Variants in DENND2A observed in about 807,000 individuals in gnomAD.
DENND2A encodes DENN domain containing 2A, also known as DENN domain-containing protein 2A.
Under a neutral mutation model 105.3 loss-of-function variants are expected in DENND2A, and 53 were observed. The observed-to-expected ratio is 0.50, with a 90% CI of 0.40 to 0.63. The LOEUF (loss-of-function observed/expected upper bound fraction) is 0.63. DENND2A is among the 30% of genes least tolerant of loss of function. The probability of loss-of-function intolerance (pLI) is 0.00; values close to 1 mark genes in which losing one functional copy is unlikely to be tolerated. For synonymous variants in DENND2A, 522 were observed against 508.4 expected, an observed-to-expected ratio of 1.03 and a Z score of -0.36; for missense variants, 1,138 against 1,279.6, an observed-to-expected ratio of 0.89 and a Z score of 1.69.
intron 6 of DENND2A, among the ~76,000 whole-genome samples, chr7:140,571,812 C>T (rs1249288248): frequency 2.0e-5 from 3 of 152,024 alleles, no homozygotes; most frequent in Admixed American, 6.6e-5. Flanking sequence ...ATTCCACTTA[C>T]CTGAGATATT....
chr7:140,633,252 T>A (rs1800798809), intron 1 of DENND2A, among the ~76,000 whole-genome samples: 1 of 151,754 alleles, frequency 6.6e-6, no homozygotes. Context: ...ATGGTCTCCA[T>A]CTCCTGACCT....
chr7:140,606,419 C>T (rs1449637094), intron 1 of DENND2A, among the ~76,000 whole-genome samples: 1 of 152,124 alleles, frequency 6.6e-6, no homozygotes, highest in Non-Finnish European at 1.5e-5. Flanking sequence ...ACATAAATAA[C>T]AACGAGACCC....
chr7:140,546,474 G>T (rs974235773), intron 13 of DENND2A, among the ~76,000 whole-genome samples: 2 of 152,162 alleles, frequency 1.3e-5, no homozygotes, highest in African/African-American at 4.8e-5. Context: ...AATGTAAATA[G>T]GTTTCAATAA....
At chr7:140,632,226 A>G (rs1308009631) in intron 1 of DENND2A, among the ~76,000 whole-genome samples, 2 of 152,180 alleles carry the variant, frequency 1.3e-5, no homozygotes, top group Non-Finnish European at 1.5e-5. Flanking sequence ...CTATTTTTCC[A>G]TGGTGAGCTG....
intron 13 of DENND2A, among the ~76,000 whole-genome samples, chr7:140,545,065 A>G (rs992471482): frequency 1.1e-4 from 17 of 152,112 alleles, no homozygotes; most frequent in African/African-American, 4.1e-4. Context: ...CCGGCCCCAC[A>G]TGGTTGCGGG....
At chr7:140,539,043 C>T (rs565127496) in intron 14 of DENND2A, among the ~76,000 whole-genome samples, 17 of 152,132 alleles carry the variant, frequency 1.1e-4, no homozygotes, top group Non-Finnish European at 1.8e-4. Flanking sequence ...AGGCTGGTCT[C>T]GAACTCCTGG....
rs1023090072 is a variant in DENND2A at position 140,640,041 on chromosome 7, C to G, written c.-248+463G>C. The stretch of plus-strand genomic sequence containing the variant: ...CTTTCCCAAGACTGCAAATGCTGAC[C>G]GCTGTGAGGGGGGCCCGGCTGCTCA... On this transcript the variant is annotated intron_variant, in intron 1 of 19. Transcript: ENST00000496613. The surrounding 1 kb of genome is among the most constrained non-coding windows in gnomAD (Gnocchi z 4.9). 2.0e-5 allele frequency among the ~76,000 whole-genome samples: 3 copies of G among 152,244 alleles called. No individual in the cohort carries two copies. Among genetic ancestry groups the G allele is most frequent in the South Asian group, 2.1e-4 (1 of 4,838 alleles).
intron 4 of DENND2A, among the ~76,000 whole-genome samples, chr7:140,586,361 A>G (rs552478537): frequency 1.7e-3 from 222 of 133,712 alleles, no homozygotes; most frequent in African/African-American, 6.7e-3. Flanking sequence ...CCTCCTAAAA[A>G]AGAAAACACA....
intron 5 of DENND2A, among the ~76,000 whole-genome samples, chr7:140,578,679 G>A (rs1237027325): frequency 6.6e-6 from 1 of 152,012 alleles, no homozygotes; most frequent in Non-Finnish European, 1.5e-5. Context: ...TTAGGAGTTC[G>A]AGACCAGCCT....
chr7:140,597,180 G>A (rs1452869990), intron 3 of DENND2A, among the ~76,000 whole-genome samples: 2 of 152,188 alleles, frequency 1.3e-5, no homozygotes, highest in South Asian at 4.1e-4. Flanking sequence ...TTCTTAAACC[G>A]AGGATCTGAA....
Position 140,585,588 on chromosome 7 carries a change from C to T in DENND2A, c.1245+1G>A, listed in dbSNP as rs1007239590. 4 of 1,614,106 alleles carry T rather than the reference C, an allele frequency of 2.5e-6. No individual in the cohort carries two copies. Among genetic ancestry groups the T allele is most frequent in the Non-Finnish European group, 2.5e-6 (3 of 1,180,022 alleles). On this transcript the variant is annotated splice_donor_variant, in intron 5 of 19. Coordinates refer to ENST00000496613, the MANE Select transcript of DENND2A (RefSeq NM_015689.5). LOFTEE classifies it high-confidence loss of function. ...TGCCACCATTCCCAGGGGACTCATA[C>T]CTTGGTGAGTGTGTCAGGGATGGAA...
At chr7:140,602,687 T>G in intron 2 of DENND2A, 145 bp from the exon 3 acceptor site, 1 of 245,754 alleles carries the variant, frequency 4.1e-6, no homozygotes, top group East Asian at 8.0e-5. Context: ...AAATTCACTT[T>G]GTGGGCAGGG....
intron 16 of DENND2A, among the ~76,000 whole-genome samples, chr7:140,524,573 TTCTC>T (rs745984367): frequency 5.9e-5 from 9 of 152,114 alleles, no homozygotes; most frequent in Admixed American, 2.0e-4. Flanking sequence ...TTCCTGTCTC[TTCTC>T]TCTTTTTTTT....
intron 16 of DENND2A, among the ~76,000 whole-genome samples, chr7:140,525,013 G>A (rs762828867): frequency 1.3e-5 from 2 of 150,526 alleles, no homozygotes; most frequent in East Asian, 3.9e-4. Flanking sequence ...AGCCTCCCAA[G>A]TAGCTGGGAC....
intron 14 of DENND2A, 100 bp downstream of exon 14, chr7:140,544,518 G>A (rs1796812048): frequency 6.7e-7 from 1 of 1,489,472 alleles, no homozygotes; most frequent in South Asian, 1.2e-5. Flanking sequence ...TCTCAGAAGG[G>A]CTTACTCTTC....
chr7:140,569,936 C>CAGG (rs545088843), intron 6 of DENND2A, among the ~76,000 whole-genome samples, 198 bp from the exon 7 acceptor site: 12 of 152,056 alleles, frequency 7.9e-5, no homozygotes, highest in Non-Finnish European at 1.5e-4. Context: ...CTCTTGTCGA[C>CAGG]CAGACTGGGG....
chr7:140,521,345 C>T (rs1451818458), intron 18 of DENND2A, among the ~76,000 whole-genome samples: 1 of 152,138 alleles, frequency 6.6e-6, no homozygotes, highest in East Asian at 1.9e-4. Context: ...ATGATCTCGG[C>T]TTATTGCAAC....
chr7:140,583,978 A>G (rs1004737768), intron 5 of DENND2A, among the ~76,000 whole-genome samples: 6 of 143,102 alleles, frequency 4.2e-5, no homozygotes, highest in Non-Finnish European at 7.4e-5. Context: ...GCGGTGGCTC[A>G]CGCCTGTAAT....
intron 14 of DENND2A, among the ~76,000 whole-genome samples, chr7:140,541,156 GT>G (rs141354647): frequency 6.6e-6 from 1 of 151,834 alleles, no homozygotes; most frequent in Admixed American, 6.6e-5. Context: ...ATGTTTTTAA[GT>G]TTTTTTTCTT....
Sources: allele counts gnomAD v4.1 joint callset (sites outside exome capture counted in the v4.1 genomes callset), GRCh38; gene constraint gnomAD v4.1.1; non-coding constraint Gnocchi (gnomAD v3.1); transcripts MANE v1.5; gene names NCBI Gene and HGNC (gene_info 2026-07-23, HGNC 2026-07-21).